Variants in TMEM178B observed in about 807,000 individuals in gnomAD.
TMEM178B encodes the protein transmembrane protein 178B.
Under a neutral mutation model 31.0 loss-of-function variants are expected in TMEM178B, and 5 were observed. The ratio of observed to expected loss-of-function variants is 0.16; its 90% CI spans 0.08 to 0.34. TMEM178B has a LOEUF of 0.34. Among genes scored for constraint, TMEM178B ranks in the 10% least tolerant of loss-of-function variants. The probability of loss-of-function intolerance (pLI) is 1.00; values close to 1 mark genes in which losing one functional copy is unlikely to be tolerated. For synonymous variants in TMEM178B, 164 were observed against 164.0 expected (o/e 1.00, Z 0.00); for missense variants, 275 against 400.3 (o/e 0.69, Z 2.67).
At chr7:141,192,034 A>AT (rs1191434163) in intron 1 of TMEM178B, among the ~76,000 whole-genome samples, 2 of 152,054 alleles carry the variant, frequency 1.3e-5, no homozygotes, top group African/African-American at 4.8e-5. Flanking sequence ...ATTTTATCTT[A>AT]TTTTTCCCAG....
chr7:141,082,709 G>A (rs1318016098), intron 1 of TMEM178B, among the ~76,000 whole-genome samples: 5 of 152,168 alleles, frequency 3.3e-5, no homozygotes, highest in Non-Finnish European at 1.5e-5. Flanking sequence ...ACGTGTGGAG[G>A]GAGAACAAAA....
intron 2 of TMEM178B, among the ~76,000 whole-genome samples, chr7:141,228,190 A>T (rs1193723081): frequency 6.6e-6 from 1 of 152,186 alleles, no homozygotes; most frequent in African/African-American, 2.4e-5. Flanking sequence ...TTTGATTATG[A>T]TCATTAATCC....
At chr7:141,314,618 T>C (rs1372857824) in intron 2 of TMEM178B, among the ~76,000 whole-genome samples, 1 of 152,226 alleles carries the variant, frequency 6.6e-6, no homozygotes, top group East Asian at 1.9e-4. Context: ...GTGTCCTTTC[T>C]TGGGCATCCT....
chr7:141,216,188 T>C (rs1343557692), intron 2 of TMEM178B, among the ~76,000 whole-genome samples: 2 of 152,074 alleles, frequency 1.3e-5, no homozygotes, highest in African/African-American at 4.8e-5. Context: ...ACCATTGATA[T>C]AGAAATAAAA....
At position 141,472,577 on chromosome 7, in the gene TMEM178B, A is replaced by G. The variant is rs1802265524; in HGVS notation, c.*1791A>G. ...TGAGAATCCCTGAGCTGGTGTAGCC[A>G]TGGTCAACTGTGTAGCAGAGAATCC... On this transcript the variant is annotated 3_prime_UTR_variant, in exon 4 of 4. Coordinates refer to ENST00000565468, the MANE Select transcript of TMEM178B (RefSeq NM_001195278.2). 6.6e-6 allele frequency: 1 copy of G among 152,144 alleles called. No homozygotes were observed. The highest frequency in any genetic ancestry group is 1.5e-5 in the Non-Finnish European group (1 of 68,038). 9.4% of individuals were successfully genotyped at this position (152,144 alleles called of 1,614,324 possible).
intron 3 of TMEM178B, among the ~76,000 whole-genome samples, chr7:141,442,029 C>G (rs577611623): frequency 1.3e-5 from 2 of 152,318 alleles, no homozygotes; most frequent in South Asian, 4.1e-4. Flanking sequence ...ATTTGTGTGC[C>G]TGATGAATCA....
intron 2 of TMEM178B, among the ~76,000 whole-genome samples, chr7:141,271,278 G>A (rs2116379837): frequency 6.6e-6 from 1 of 152,300 alleles, no homozygotes; most frequent in Middle Eastern, 3.4e-3. Flanking sequence ...AGTACTCTCA[G>A]TCATCTCTGC....
intron 2 of TMEM178B, among the ~76,000 whole-genome samples, chr7:141,397,167 T>G (rs1800672512): frequency 6.6e-6 from 1 of 152,224 alleles, no homozygotes; most frequent in African/African-American, 2.4e-5. Flanking sequence ...TCGTGGAATT[T>G]TCTGCCCAAA....
At chr7:141,312,885 AT>A (rs1469629896) in intron 2 of TMEM178B, among the ~76,000 whole-genome samples, 1 of 152,234 alleles carries the variant, frequency 6.6e-6, no homozygotes, top group Admixed American at 6.5e-5. Context: ...TAAAGACACA[AT>A]TTGATTGGAA....
chr7:141,384,074 T>C (rs1800382710), intron 2 of TMEM178B, among the ~76,000 whole-genome samples: 1 of 152,256 alleles, frequency 6.6e-6, no homozygotes, highest in East Asian at 1.9e-4. Context: ...TGTTTGTTTT[T>C]TTCCTGTATA....
chr7:141,147,103 C>T (rs1307212417), intron 1 of TMEM178B, among the ~76,000 whole-genome samples: 1 of 152,176 alleles, frequency 6.6e-6, no homozygotes, highest in Non-Finnish European at 1.5e-5. Context: ...AGGGGTGCTG[C>T]TACTCCCCTT....
intron 3 of TMEM178B, among the ~76,000 whole-genome samples, chr7:141,443,551 G>A (rs536377649): frequency 1.3e-5 from 2 of 152,248 alleles, no homozygotes; most frequent in East Asian, 3.9e-4. Context: ...GGGGTTTTGG[G>A]GAGAAAGAGG....
At chr7:141,491,208 T>G in the TMEM178B span, among the ~76,000 whole-genome samples, 1 of 152,006 alleles carries the variant, frequency 6.6e-6, no homozygotes, top group South Asian at 2.1e-4. Flanking sequence ...TTGTTTTTAA[T>G]TTTTAGTAGA....
chr7:141,236,319 AAG>A (rs1315893980), intron 2 of TMEM178B, among the ~76,000 whole-genome samples: 1 of 152,206 alleles, frequency 6.6e-6, no homozygotes, highest in Non-Finnish European at 1.5e-5. Flanking sequence ...AAAGAAGGGA[AAG>A]AGAGGAGAAA....
At chr7:141,288,183 G>T (rs1798479583) in intron 2 of TMEM178B, among the ~76,000 whole-genome samples, 1 of 139,400 alleles carries the variant, frequency 7.2e-6, no homozygotes, top group African/African-American at 2.7e-5. Context: ...GCCCTCTTTA[G>T]ATGCCTCTAC....
intron 2 of TMEM178B, among the ~76,000 whole-genome samples, chr7:141,366,554 T>C (rs73739810): frequency 0.12 from 18,963 of 152,192 alleles, 2,240 homozygotes; most frequent in African/African-American, 0.31. Context: ...AGGGGCTTCT[T>C]TGCATTCTTG....
At chr7:141,297,864 G>A (rs1439045851) in intron 2 of TMEM178B, among the ~76,000 whole-genome samples, 1 of 152,194 alleles carries the variant, frequency 6.6e-6, no homozygotes, top group Admixed American at 6.5e-5. Context: ...TCCTTTGGGT[G>A]TATACCCAGT....
At chr7:141,299,117 A>G (rs1798682890) in intron 2 of TMEM178B, among the ~76,000 whole-genome samples, 1 of 152,116 alleles carries the variant, frequency 6.6e-6, no homozygotes, top group Non-Finnish European at 1.5e-5. Context: ...TGGGGCTAGA[A>G]TGGTGTTTCA....
intron 2 of TMEM178B, chr7:141,352,545 AT>A (rs1378728840): frequency 1.3e-5 from 2 of 151,642 alleles, no homozygotes; most frequent in Non-Finnish European, 2.9e-5. Context: ...CGCCCCACTA[AT>A]TTTTTTTGTA....
Sources: gnomAD v4.1 joint callset for allele counts (sites outside exome capture counted in the v4.1 genomes callset) on GRCh38, gnomAD v4.1.1 for gene constraint, MANE v1.5 for transcripts, NCBI Gene and HGNC (gene_info 2026-07-23, HGNC 2026-07-21) for gene names.